HEMK2: variants seen among roughly 807,000 people sequenced by gnomAD.
The protein encoded by HEMK2 is HemK methyltransferase 2, ETF1 glutamine and histone H4 lysine.
the HEMK2 span, among the ~76,000 whole-genome samples, chr21:28,783,338 C>T: frequency 6.6e-6 from 1 of 152,120 alleles, no homozygotes; most frequent in African/African-American, 2.4e-5. Context: ...GCACCCACCA[C>T]CACACCTGGC....
chr21:28,578,712 A>G, the HEMK2 span, among the ~76,000 whole-genome samples: 35 of 152,326 alleles, frequency 2.3e-4, no homozygotes, highest in African/African-American at 7.9e-4. Flanking sequence ...CCTTGATAAA[A>G]AGGGTTGTTT....
chr21:28,589,322 C>A, the HEMK2 span, among the ~76,000 whole-genome samples: 9 of 151,866 alleles, frequency 5.9e-5, no homozygotes, highest in Non-Finnish European at 1.0e-4. Flanking sequence ...TTTAAAAAAA[C>A]CATCTAGGAG....
the HEMK2 span, among the ~76,000 whole-genome samples, chr21:28,711,846 A>G: frequency 1.3e-5 from 2 of 152,266 alleles, no homozygotes; most frequent in East Asian, 3.9e-4. Context: ...CAGGGTGCCC[A>G]TATTTTCGAG....
the HEMK2 span, among the ~76,000 whole-genome samples, chr21:28,623,663 G>A: frequency 6.6e-6 from 1 of 152,134 alleles, no homozygotes; most frequent in Admixed American, 6.5e-5. Context: ...CATAAAAAAG[G>A]ATGAGTTCAT....
chr21:28,585,452 A>T, the HEMK2 span, among the ~76,000 whole-genome samples: 1 of 152,112 alleles, frequency 6.6e-6, no homozygotes, highest in Non-Finnish European at 1.5e-5. Flanking sequence ...CAGGTATTGG[A>T]ATTATCAGAT....
At chr21:28,643,037 T>C in the HEMK2 span, among the ~76,000 whole-genome samples, 1 of 152,110 alleles carries the variant, frequency 6.6e-6, no homozygotes, top group African/African-American at 2.4e-5. Flanking sequence ...TACTAGAAGC[T>C]TGGGCCTTGG....
chr21:28,802,444 C>T, the HEMK2 span, among the ~76,000 whole-genome samples: 1 of 152,122 alleles, frequency 6.6e-6, no homozygotes, highest in Non-Finnish European at 1.5e-5. Flanking sequence ...AAATGGCAAA[C>T]AGGCCAGGTG....
At chr21:28,703,022 G>A in the HEMK2 span, among the ~76,000 whole-genome samples, 1 of 152,146 alleles carries the variant, frequency 6.6e-6, no homozygotes, top group African/African-American at 2.4e-5. Context: ...AACATGGATG[G>A]AGCTGGAGAT....
At chr21:28,797,484 G>GGGCACACTGA in the HEMK2 span, among the ~76,000 whole-genome samples, 1 of 151,462 alleles carries the variant, frequency 6.6e-6, no homozygotes, top group Non-Finnish European at 1.5e-5. Flanking sequence ...CAAATTAGCT[G>GGGCACACTGA]TGTGCCTGTG....
the HEMK2 span, among the ~76,000 whole-genome samples, chr21:28,754,752 C>T: frequency 6.6e-6 from 1 of 152,018 alleles, no homozygotes; most frequent in Admixed American, 6.6e-5. Flanking sequence ...TATTGAGAGC[C>T]TATTATACAC....
chr21:28,808,304 T>C, the HEMK2 span, among the ~76,000 whole-genome samples: 1 of 152,058 alleles, frequency 6.6e-6, no homozygotes, highest in Admixed American at 6.6e-5. Flanking sequence ...TCAGGTAATG[T>C]AATGTAATTC....
At chr21:28,695,929 C>G in the HEMK2 span, among the ~76,000 whole-genome samples, 1 of 151,960 alleles carries the variant, frequency 6.6e-6, no homozygotes, top group Admixed American at 6.6e-5. Context: ...TGTATCAGTC[C>G]AATTTCACAC....
chr21:28,759,236 G>A, the HEMK2 span, among the ~76,000 whole-genome samples: 2 of 152,182 alleles, frequency 1.3e-5, no homozygotes, highest in Non-Finnish European at 2.9e-5. Context: ...CCCACCTCTT[G>A]CATCAGTGTG....
the HEMK2 span, among the ~76,000 whole-genome samples, chr21:28,863,413 TATATATATATATATATATA>T: frequency 0.035 from 848 of 24,134 alleles, 44 homozygotes; most frequent in Middle Eastern, 0.12. Context: ...CTCCCTTTTA[TATATATATATATATATATA>T]TATATATATA....
chr21:28,835,470 G>A, the HEMK2 span, among the ~76,000 whole-genome samples: 37 of 152,224 alleles, frequency 2.4e-4, no homozygotes, highest in East Asian at 4.3e-3. Context: ...GGAACAACCC[G>A]TGGGAGAACC....
chr21:28,594,907 T>C, the HEMK2 span, among the ~76,000 whole-genome samples: 1 of 152,244 alleles, frequency 6.6e-6, no homozygotes, highest in Non-Finnish European at 1.5e-5. Context: ...TTTCCTACTG[T>C]TTGATTCCAG....
chr21:28,880,580 T>C, the HEMK2 span, among the ~76,000 whole-genome samples: 1 of 151,886 alleles, frequency 6.6e-6, no homozygotes, highest in Non-Finnish European at 1.5e-5. Context: ...CAGTCTCTAC[T>C]AAAAATACAA....
chr21:28,616,311 A>G, the HEMK2 span, among the ~76,000 whole-genome samples: 1 of 152,190 alleles, frequency 6.6e-6, no homozygotes, highest in East Asian at 1.9e-4. Context: ...AAACAATGGC[A>G]ATTTTCATCA....
chr21:28,849,598 A>C, the HEMK2 span, among the ~76,000 whole-genome samples: 1 of 152,216 alleles, frequency 6.6e-6, no homozygotes, highest in African/African-American at 2.4e-5. Context: ...AGACAGTCAA[A>C]ACCCAATCCA....
Sources: allele counts gnomAD v4.1 joint callset (sites outside exome capture counted in the v4.1 genomes callset), GRCh38; gene constraint gnomAD v4.1.1; transcripts MANE v1.5; gene names NCBI Gene and HGNC (gene_info 2026-07-23, HGNC 2026-07-21).